The following STK32A variants were observed in gnomAD, a reference collection of about 807,000 sequenced individuals.
STK32A encodes the protein serine/threonine kinase 32A.
In STK32A, 41 loss-of-function variants were observed where a neutral mutation model predicts 53.2. The ratio of observed to expected loss-of-function variants is 0.77; its 90% CI spans 0.60 to 1.00. The LOEUF is 1.00. Among genes scored for constraint, STK32A ranks in the 50% least tolerant of loss-of-function variants. The pLI is 0.00. For missense variants in STK32A, 458 were observed against 485.8 expected (o/e 0.94, Z 0.54); for synonymous variants, 166 against 162.8 (o/e 1.02, Z -0.15).
chr5:147,314,507 C>CAAAAAA (rs1299138229), intron 4 of STK32A, among the ~76,000 whole-genome samples: 2 of 12,790 alleles, frequency 1.6e-4, no homozygotes, highest in African/African-American at 2.8e-4. Flanking sequence ...TCAAAAAAAA[C>CAAAAAA]AAAAAAAAAC....
intron 5 of STK32A, among the ~76,000 whole-genome samples, chr5:147,333,420 T>C (rs1314691589): frequency 1.3e-5 from 2 of 152,194 alleles, no homozygotes; most frequent in Non-Finnish European, 2.9e-5. Flanking sequence ...TTTTCCACTG[T>C]GATATTCACA....
intron 4 of STK32A, among the ~76,000 whole-genome samples, chr5:147,283,339 G>C (rs939208767): frequency 6.6e-6 from 1 of 151,890 alleles, no homozygotes; most frequent in Non-Finnish European, 1.5e-5. Context: ...ACATTGAAAA[G>C]ACTGAAAGAG....
chr5:147,384,769 G>A lies in STK32A; in HGVS notation c.*786G>A, dbSNP rs1757586512. On this transcript the variant is annotated 3_prime_UTR_variant, in exon 13 of 13. Transcript: ENST00000397936. The stretch of plus-strand genomic sequence containing the variant: ...CCTTCCAAGAAGCATGTTCCTTGAG[G>A]GCTAATTGTCCTCTGAAGATTAGCA... 1.2e-5 allele frequency: 3 copies of A among 244,370 alleles called. No individual in the cohort carries two copies. Among genetic ancestry groups the A allele is most frequent in the Middle Eastern group, 1.4e-3 (1 of 732 alleles). The allele number at this position is 244,370 out of a possible 1,614,324, so 15.1% of individuals were successfully genotyped here. A position where few individuals can be genotyped will look rare whatever the true frequency, so the allele number is the denominator to read the frequency against.
At chr5:147,302,273 T>C (rs1330144618) in intron 4 of STK32A, among the ~76,000 whole-genome samples, 3 of 152,228 alleles carry the variant, frequency 2.0e-5, no homozygotes, top group African/African-American at 7.2e-5. Context: ...GTAATTGTTT[T>C]CTGTTATCAA....
At position 147,373,153 on chromosome 5, in the gene STK32A, T is replaced by C. The variant is rs1278310992; in HGVS notation, c.778-16T>C. The C allele has an allele frequency of 6.8e-6, 11 of 1,612,766 alleles. No individual in the cohort carries two copies. Among genetic ancestry groups the C allele is most frequent in the East Asian group, 2.2e-5 (1 of 44,858 alleles). On this transcript the variant is annotated splice_polypyrimidine_tract_variant and intron_variant, in intron 9 of 12. Transcript: ENST00000397936. ...TATCCTTTCTTATGGCCTTGATGTT[T>C]GCATTTTATTGGCAGCTACTCGAAC...
intron 5 of STK32A, among the ~76,000 whole-genome samples, chr5:147,326,166 T>C (rs142546321): frequency 7.1e-4 from 108 of 152,312 alleles, no homozygotes; most frequent in African/African-American, 2.4e-3. Context: ...CAATACTGTT[T>C]TTCTGTTCTT....
At chr5:147,346,751 T>C (rs1755712127) in intron 6 of STK32A, among the ~76,000 whole-genome samples, 1 of 152,218 alleles carries the variant, frequency 6.6e-6, no homozygotes, top group Non-Finnish European at 1.5e-5. Context: ...AAAATTCTTG[T>C]ATTTTTCTTA....
At chr5:147,259,617 A>C (rs1754401245) in intron 2 of STK32A, among the ~76,000 whole-genome samples, 1 of 152,062 alleles carries the variant, frequency 6.6e-6, no homozygotes, top group Non-Finnish European at 1.5e-5. Flanking sequence ...ATATTTATAC[A>C]TGTGCCACGT....
intron 2 of STK32A, among the ~76,000 whole-genome samples, chr5:147,256,533 C>T (rs757689435): frequency 1.1e-4 from 17 of 152,144 alleles, no homozygotes; most frequent in African/African-American, 2.4e-4. Flanking sequence ...TTTTTTGAGA[C>T]GGAGTTTCGC....
the STK32A span, among the ~76,000 whole-genome samples, chr5:147,394,832 C>T: frequency 6.6e-6 from 1 of 152,212 alleles, no homozygotes; most frequent in Non-Finnish European, 1.5e-5. Context: ...TTCTGTTTCT[C>T]CCATTCCATA....
At chr5:147,399,002 C>T in the STK32A span, 2 of 1,548,310 alleles carry the variant, frequency 1.3e-6, no homozygotes, top group Non-Finnish European at 8.7e-7. Flanking sequence ...CCCTGGCACA[C>T]CACATAAACA....
At chr5:147,257,161 T>G (rs902020759) in intron 2 of STK32A, among the ~76,000 whole-genome samples, 5 of 151,330 alleles carry the variant, frequency 3.3e-5, no homozygotes, top group Admixed American at 6.6e-5. Flanking sequence ...TTTAGTAAAT[T>G]ACAAAAACTG....
chr5:147,383,357 A>T (rs576739200), intron 11 of STK32A, 84 bp from the exon 12 acceptor site: 1 of 1,106,600 alleles, frequency 9.0e-7, no homozygotes, highest in East Asian at 2.6e-5. Context: ...CATTGAATAG[A>T]CTGTCACCAG....
chr5:147,357,235 C>G (rs1756288603), intron 7 of STK32A, among the ~76,000 whole-genome samples: 1 of 152,026 alleles, frequency 6.6e-6, no homozygotes, highest in Non-Finnish European at 1.5e-5. Context: ...TTCATATTAA[C>G]TTGTACTTGC....
chr5:147,278,412 T>C (rs1174700121), intron 3 of STK32A, among the ~76,000 whole-genome samples: 1 of 152,196 alleles, frequency 6.6e-6, no homozygotes, highest in African/African-American at 2.4e-5. Context: ...TAAACTCAAA[T>C]CTGTTTACTC....
chr5:147,303,477 C>G (rs925109529), intron 4 of STK32A, among the ~76,000 whole-genome samples: 2 of 152,152 alleles, frequency 1.3e-5, no homozygotes, highest in African/African-American at 4.8e-5. Flanking sequence ...GCCTCTGCCA[C>G]AGTCACATTT....
chr5:147,302,095 G>A (rs561242308), intron 4 of STK32A, among the ~76,000 whole-genome samples: 1 of 152,180 alleles, frequency 6.6e-6, no homozygotes, highest in East Asian at 1.9e-4. Context: ...TGCAGGTTCT[G>A]GAGATTATAA....
At chr5:147,401,813 C>T in the STK32A span, 2 of 1,300,116 alleles carry the variant, frequency 1.5e-6, no homozygotes, top group South Asian at 1.5e-5. Context: ...TCAGACTGAC[C>T]TGGGTTCAAG....
chr5:147,377,921 C>A (rs908657520), intron 11 of STK32A, among the ~76,000 whole-genome samples: 5 of 151,912 alleles, frequency 3.3e-5, no homozygotes, highest in Admixed American at 3.3e-4. Context: ...TAATCTTGTA[C>A]CCCAGGTTCA....
Sources: allele counts gnomAD v4.1 joint callset (sites outside exome capture counted in the v4.1 genomes callset), GRCh38; gene constraint gnomAD v4.1.1; transcripts MANE v1.5; gene names NCBI Gene and HGNC (gene_info 2026-07-23, HGNC 2026-07-21).